The following FGF12 variants were observed in gnomAD, a reference collection of about 807,000 sequenced individuals.
FGF12 encodes fibroblast growth factor 12B.
FGF12 carries 14 observed loss-of-function variants against 23.6 expected under a neutral mutation model. That is an observed-to-expected ratio of 0.59 (90% CI 0.39 to 0.93). FGF12 has a LOEUF of 0.93. Ranked by LOEUF, FGF12 falls within the 40% of genes least tolerant of loss-of-function variation. The probability of loss-of-function intolerance (pLI) is 0.00; values close to 1 mark genes in which losing one functional copy is unlikely to be tolerated. For missense variants in FGF12, 175 were observed against 217.8 expected, an observed-to-expected ratio of 0.80 and a Z score of 1.24; for synonymous variants, 62 against 77.3, an observed-to-expected ratio of 0.80 and a Z score of 1.04.
intron 2 of FGF12, among the ~76,000 whole-genome samples, chr3:192,482,118 T>C (rs1296708518): frequency 6.6e-6 from 1 of 152,192 alleles, no homozygotes; most frequent in African/African-American, 2.4e-5. Flanking sequence ...CACCTCATTA[T>C]TGGGATCACT....
At position 192,272,613 on chromosome 3, in the gene FGF12, G is replaced by A. The variant is rs184544179; in HGVS notation, c.228+62748C>T. On this transcript the variant is annotated intron_variant, in intron 4 of 5. Transcript: ENST00000445105. ...TTTTAAATGATACTTCCCTATTTGA[G>A]TAAAACAAAGAAGAAACTGCAAAGG... 2.2e-4 allele frequency among the ~76,000 whole-genome samples: 33 copies of A among 152,214 alleles called. No homozygotes were observed. The East Asian group carries it at 4.8e-3, about 22-fold the overall frequency.
At chr3:192,465,313 C>T (rs750488562) in intron 2 of FGF12, among the ~76,000 whole-genome samples, 2 of 152,048 alleles carry the variant, frequency 1.3e-5, no homozygotes, top group African/African-American at 4.8e-5. Context: ...TCCCAAATTC[C>T]GAAACACCGT....
chr3:192,421,562 T>C (rs1721527481), intron 2 of FGF12, among the ~76,000 whole-genome samples: 1 of 151,890 alleles, frequency 6.6e-6, no homozygotes, highest in Non-Finnish European at 1.5e-5. Context: ...CAGCAAACTA[T>C]CACAAGAACA....
At chr3:192,241,249 T>G (rs1248437445) in intron 4 of FGF12, among the ~76,000 whole-genome samples, 2 of 152,184 alleles carry the variant, frequency 1.3e-5, no homozygotes, top group Non-Finnish European at 2.9e-5. Flanking sequence ...AACAATGATT[T>G]AAACATATGC....
chr3:192,667,692 G>A (rs1716944444), intron 2 of FGF12, among the ~76,000 whole-genome samples: 1 of 151,556 alleles, frequency 6.6e-6, no homozygotes, highest in Admixed American at 6.6e-5. Flanking sequence ...TAGAGGGGCA[G>A]GCACAGTGAA....
intron 4 of FGF12, among the ~76,000 whole-genome samples, chr3:192,197,630 G>A (rs1717138299): frequency 6.6e-6 from 1 of 152,152 alleles, no homozygotes. Flanking sequence ...GATGAAGGGA[G>A]AATAGTGATG....
intron 4 of FGF12, among the ~76,000 whole-genome samples, chr3:192,244,592 C>A (rs1048047193): frequency 1.3e-5 from 2 of 151,960 alleles, no homozygotes; most frequent in Non-Finnish European, 2.9e-5. Flanking sequence ...TATAGATAGG[C>A]AGAATGAGAT....
rs1721059198 is a variant in FGF12, at chr3:192,408,465, G to A, written c.14-47927C>T. ...TTCCCCAACCTCTGGCGGCCGGGGG[G>A]CGGGGCGGGGCGGTCCCAGGCCCTC... On this transcript the variant is annotated intron_variant, in intron 2 of 5. Transcript: ENST00000445105. This position sits in a 1 kb window ranked among gnomAD's most constrained non-coding sequence, Gnocchi z 7.3. The A allele has an allele frequency of 5.2e-6, 7 of 1,356,050 alleles. No individual in the cohort carries two copies. Among genetic ancestry groups the A allele is most frequent in the Admixed American group, 3.5e-5 (1 of 28,408 alleles). 84.0% of individuals were successfully genotyped at this position (1,356,050 alleles called of 1,614,324 possible).
rs150677769 is a variant in FGF12, at chr3:192,593,342, G to A, written c.13+133839C>T. On this transcript the variant is annotated intron_variant, in intron 2 of 5. Coordinates refer to ENST00000445105, the MANE Select transcript of FGF12 (RefSeq NM_004113.6). ...TGACCCTCTTCCCTCATGATCATAC[G>A]TAGAATAGCAACCCTATGCCCTCTG... 3.3e-5 allele frequency among the ~76,000 whole-genome samples: 5 copies of A among 151,816 alleles called. No homozygotes were observed. The East Asian group carries it at 9.7e-4, about 29-fold the overall frequency.
At chr3:192,155,995 T>C (rs1387875079) in intron 5 of FGF12, among the ~76,000 whole-genome samples, 1 of 152,224 alleles carries the variant, frequency 6.6e-6, no homozygotes, top group African/African-American at 2.4e-5. Context: ...CTCTTTCTGT[T>C]ATAATGCGCA....
At chr3:192,418,977 T>C (rs1366482258) in intron 2 of FGF12, among the ~76,000 whole-genome samples, 1 of 152,206 alleles carries the variant, frequency 6.6e-6, no homozygotes, top group African/African-American at 2.4e-5. Context: ...TCCTGGGCCC[T>C]ACACAGGTTA....
At chr3:192,535,209 T>C (rs1253172085) in intron 2 of FGF12, among the ~76,000 whole-genome samples, 1 of 152,192 alleles carries the variant, frequency 6.6e-6, no homozygotes, top group African/African-American at 2.4e-5. Context: ...AGGTTTTTCA[T>C]ATTTGGTACT....
At chr3:192,650,983 A>C (rs548931550) in intron 2 of FGF12, among the ~76,000 whole-genome samples, 8 of 152,204 alleles carry the variant, frequency 5.3e-5, no homozygotes, top group African/African-American at 1.9e-4. Context: ...TTCTGTCCTA[A>C]TGTCTCAAGT....
At chr3:192,490,841 C>G (rs957458067) in intron 2 of FGF12, among the ~76,000 whole-genome samples, 1 of 152,032 alleles carries the variant, frequency 6.6e-6, no homozygotes, top group Admixed American at 6.6e-5. Flanking sequence ...GGCACCTAAT[C>G]GATGGTGTCA....
chr3:192,140,046 C>CT lies in FGF12; in HGVS notation c.*3962dup, dbSNP rs1479621680. 1 of 151,910 alleles carries CT rather than the reference C, an allele frequency of 6.6e-6. No homozygotes were observed. Among genetic ancestry groups the CT allele is most frequent in the African/African-American group, 2.4e-5 (1 of 41,396 alleles). The allele number at this position is 151,910 out of a possible 1,614,324, so 9.4% of individuals were successfully genotyped here. A position where few individuals can be genotyped will look rare whatever the true frequency, so the allele number is the denominator to read the frequency against. ...CTTTGATTATTATTCCCACCTGTTT[C>CT]TTTTTTATTATAAAGTGGCAATTTG... On this transcript the variant is annotated 3_prime_UTR_variant, in exon 6 of 6. Transcript: ENST00000445105.
intron 2 of FGF12, among the ~76,000 whole-genome samples, chr3:192,463,817 T>C (rs1722930740): frequency 6.6e-6 from 1 of 152,124 alleles, no homozygotes; most frequent in Non-Finnish European, 1.5e-5. Context: ...GTTTTGTTCT[T>C]TTTTTAGGTT....
intron 5 of FGF12, among the ~76,000 whole-genome samples, chr3:192,155,178 A>T (rs10937532): frequency 1.3e-5 from 2 of 150,486 alleles, no homozygotes; most frequent in African/African-American, 4.9e-5. Context: ...CGGCTCGCGC[A>T]CGGTGCGCGC....
chr3:192,727,062 T>G, intron 2 of FGF12, 119 bp downstream of exon 2: 1 of 1,261,976 alleles, frequency 7.9e-7, no homozygotes, highest in Non-Finnish European at 1.1e-6. Context: ...ACATAGCATC[T>G]CCTCCTCTAT....
chr3:192,227,841 C>T lies in FGF12; in HGVS notation c.229-57185G>A, dbSNP rs188527642. 1.8e-3 allele frequency among the ~76,000 whole-genome samples: 269 copies of T among 152,186 alleles called. 1 individual carries two copies. Among genetic ancestry groups the T allele is most frequent in the Middle Eastern group, 6.8e-3 (2 of 294 alleles). ...CAACTTCAGCAAAAAATAGAATTGA[C>T]AAGCATTGAAAGAGAACTGCAAATA... On this transcript the variant is annotated intron_variant, in intron 4 of 5. Transcript: ENST00000445105.
Sources: gnomAD v4.1 joint callset for allele counts (sites outside exome capture counted in the v4.1 genomes callset) on GRCh38, gnomAD v4.1.1 for gene constraint, Gnocchi (gnomAD v3.1) non-coding constraint, MANE v1.5 for transcripts, NCBI Gene and HGNC (gene_info 2026-07-23, HGNC 2026-07-21) for gene names.